ABTB3: variants seen among roughly 807,000 people sequenced by gnomAD.
ABTB3 encodes ankyrin repeat- and BTB/POZ domain-containing protein 3.
chr12:107,384,424 T>C, the ABTB3 span, among the ~76,000 whole-genome samples: 2 of 152,180 alleles, frequency 1.3e-5, no homozygotes, highest in East Asian at 3.9e-4. Flanking sequence ...GCCAGTGGCA[T>C]TGGCCCAGAA....
At chr12:107,613,416 G>T in the ABTB3 span, among the ~76,000 whole-genome samples, 1 of 152,106 alleles carries the variant, frequency 6.6e-6, no homozygotes, top group African/African-American at 2.4e-5. Context: ...AATGTGGTCT[G>T]GTGGAAAGCA....
the ABTB3 span, among the ~76,000 whole-genome samples, chr12:107,401,914 G>GTTTTTTT: frequency 3.1e-5 from 4 of 130,892 alleles, no homozygotes; most frequent in Admixed American, 7.8e-5. Flanking sequence ...ACCGCTTAGG[G>GTTTTTTT]TTTTTTTTTT....
At chr12:107,520,407 A>C in the ABTB3 span, 1 of 1,538,688 alleles carries the variant, frequency 6.5e-7, no homozygotes, top group Non-Finnish European at 8.8e-7. Flanking sequence ...AGGTTGTGCA[A>C]GATGTTGCAC....
the ABTB3 span, among the ~76,000 whole-genome samples, chr12:107,324,193 C>T: frequency 6.6e-6 from 1 of 152,196 alleles, no homozygotes. Context: ...ATCTCTATCA[C>T]ATCCAGATTA....
chr12:107,335,621 G>A, the ABTB3 span, among the ~76,000 whole-genome samples: 1 of 152,208 alleles, frequency 6.6e-6, no homozygotes, highest in South Asian at 2.1e-4. Flanking sequence ...CACTAGCCTG[G>A]GTAATGAGCA....
the ABTB3 span, among the ~76,000 whole-genome samples, chr12:107,341,279 C>G: frequency 9.5e-3 from 1,443 of 152,292 alleles, 26 homozygotes; most frequent in African/African-American, 0.033. Context: ...AAGCACCTAC[C>G]TTGTGACACA....
chr12:107,318,955 T>A, the ABTB3 span: 1 of 1,609,728 alleles, frequency 6.2e-7, no homozygotes, highest in Non-Finnish European at 8.5e-7. Context: ...CCAGGAGAGG[T>A]AAGAAGCCCG....
chr12:107,543,336 CTCA>C, the ABTB3 span, among the ~76,000 whole-genome samples: 1 of 76,292 alleles, frequency 1.3e-5, no homozygotes, highest in Admixed American at 2.0e-4. Flanking sequence ...AAGACTCCAT[CTCA>C]AAAAAAAAAA....
the ABTB3 span, among the ~76,000 whole-genome samples, chr12:107,456,461 C>T: frequency 0.12 from 18,534 of 152,180 alleles, 1,316 homozygotes; most frequent in African/African-American, 0.18. Flanking sequence ...CTAAGTCGTG[C>T]GCTCCTTATG....
chr12:107,470,150 T>C, the ABTB3 span, among the ~76,000 whole-genome samples: 2 of 151,606 alleles, frequency 1.3e-5, no homozygotes, highest in Non-Finnish European at 2.9e-5. Flanking sequence ...GTGATTCTCA[T>C]GCCTCAGCCT....
the ABTB3 span, among the ~76,000 whole-genome samples, chr12:107,507,250 G>C: frequency 1.3e-5 from 2 of 152,160 alleles, no homozygotes; most frequent in East Asian, 1.9e-4. Flanking sequence ...CACAGGCAGA[G>C]ATAAGGAAGA....
chr12:107,399,877 C>T, the ABTB3 span, among the ~76,000 whole-genome samples: 18 of 152,092 alleles, frequency 1.2e-4, no homozygotes, highest in Admixed American at 6.5e-4. Context: ...CTGATGTTCC[C>T]CTCCCTGTGT....
At chr12:107,442,991 A>G in the ABTB3 span, among the ~76,000 whole-genome samples, 14 of 152,114 alleles carry the variant, frequency 9.2e-5, no homozygotes, top group African/African-American at 2.7e-4. Flanking sequence ...TGTGTCCCCT[A>G]TGGTGCAAGG....
chr12:107,482,780 T>C, the ABTB3 span, among the ~76,000 whole-genome samples: 7 of 147,890 alleles, frequency 4.7e-5, no homozygotes, highest in Admixed American at 2.7e-4. Context: ...CTTCCTCCCT[T>C]CCTTCCTTCC....
At chr12:107,608,969 A>G in the ABTB3 span, among the ~76,000 whole-genome samples, 78 of 24,678 alleles carry the variant, frequency 3.2e-3, 2 homozygotes, top group Middle Eastern at 0.02. Flanking sequence ...AAAATAAAAT[A>G]TAAAATAAAA....
the ABTB3 span, chr12:107,617,398 T>C: frequency 6.2e-7 from 1 of 1,614,006 alleles, no homozygotes; most frequent in Non-Finnish European, 8.5e-7. Flanking sequence ...CCCAGGGTGA[T>C]ATGAACTCTT....
At chr12:107,604,478 A>G in the ABTB3 span, among the ~76,000 whole-genome samples, 3 of 152,220 alleles carry the variant, frequency 2.0e-5, no homozygotes, top group East Asian at 1.9e-4. Context: ...TCATTTCTCA[A>G]AAGAAGACAT....
chr12:107,429,180 C>T, the ABTB3 span, among the ~76,000 whole-genome samples: 4 of 152,316 alleles, frequency 2.6e-5, no homozygotes, highest in Non-Finnish European at 5.9e-5. Context: ...CCATTCTCTC[C>T]TTGTCTGCTC....
chr12:107,479,167 G>T, the ABTB3 span, among the ~76,000 whole-genome samples: 1 of 152,086 alleles, frequency 6.6e-6, no homozygotes, highest in Non-Finnish European at 1.5e-5. Flanking sequence ...GTGGTTGTAG[G>T]CAGAGCTCAG....
Sources: allele counts gnomAD v4.1 joint callset (sites outside exome capture counted in the v4.1 genomes callset), GRCh38; gene constraint gnomAD v4.1.1; transcripts MANE v1.5; gene names NCBI Gene and HGNC (gene_info 2026-07-23, HGNC 2026-07-21).